The following SNTB1 variants were observed in gnomAD, a reference collection of about 807,000 sequenced individuals.
SNTB1 encodes the protein syntrophin beta 1.
A neutral mutation model predicts 48.9 loss-of-function variants in SNTB1; 36 were observed. That is an observed-to-expected ratio of 0.74 (90% confidence interval 0.56 to 0.97). SNTB1 has a LOEUF of 0.97. Among genes scored for constraint, SNTB1 ranks in the 50% least tolerant of loss-of-function variants. SNTB1 has a pLI of 0.00. For synonymous variants in SNTB1, 299 were observed against 294.6 expected (o/e 1.01, Z -0.15); for missense variants, 786 against 703.4 (o/e 1.12, Z -1.33).
At chr8:120,594,691 T>C (rs1338170610) in intron 3 of SNTB1, among the ~76,000 whole-genome samples, 1 of 152,178 alleles carries the variant, frequency 6.6e-6, no homozygotes, top group African/African-American at 2.4e-5. Context: ...TCTTAATGTA[T>C]AAATCTCAAA....
chr8:120,550,654 G>A (rs1446864697), intron 4 of SNTB1, among the ~76,000 whole-genome samples: 1 of 152,126 alleles, frequency 6.6e-6, no homozygotes, highest in Non-Finnish European at 1.5e-5. Flanking sequence ...CCACACAAGG[G>A]GATTTAACAT....
chr8:120,614,913 G>C (rs886192386), intron 3 of SNTB1, among the ~76,000 whole-genome samples: 1 of 147,960 alleles, frequency 6.8e-6, no homozygotes, highest in Non-Finnish European at 1.5e-5. Flanking sequence ...GGCTGAGGCA[G>C]GTGGATCACG....
intron 1 of SNTB1, among the ~76,000 whole-genome samples, chr8:120,789,441 A>G (rs1819987092): frequency 6.6e-6 from 1 of 151,996 alleles, no homozygotes; most frequent in South Asian, 2.1e-4. Flanking sequence ...AATCAATGAA[A>G]CAAAAAGCTG....
Position 120,679,437 on chromosome 8 carries a change from C to G in SNTB1, c.788+14255G>C, listed in dbSNP as rs184958365. ...CTGCCCTCCATCAAGACATACCTGA[C>G]CTGAGTCCCATTGACTCAGGACCAG... On this transcript the variant is annotated intron_variant, in intron 2 of 6. Coordinates refer to ENST00000517992, the MANE Select transcript of SNTB1 (RefSeq NM_021021.4). 2.6e-5 allele frequency among the ~76,000 whole-genome samples: 4 copies of G among 152,266 alleles called. No homozygotes were observed. The East Asian group carries it at 7.7e-4, about 29-fold the overall frequency.
chr8:120,696,144 T>G (rs572950341), intron 1 of SNTB1, among the ~76,000 whole-genome samples: 2 of 152,362 alleles, frequency 1.3e-5, no homozygotes, highest in South Asian at 4.1e-4. Flanking sequence ...ATTATACTCA[T>G]GGAAATATAG....
chr8:120,656,784 G>A (rs1348532722), intron 2 of SNTB1, among the ~76,000 whole-genome samples: 1 of 152,170 alleles, frequency 6.6e-6, no homozygotes, highest in Non-Finnish European at 1.5e-5. Flanking sequence ...TTAAAATTGA[G>A]TTTCAGATAA....
chr8:120,642,860 A>G (rs1481210353), intron 2 of SNTB1, among the ~76,000 whole-genome samples: 1 of 152,218 alleles, frequency 6.6e-6, no homozygotes, highest in Non-Finnish European at 1.5e-5. Flanking sequence ...AGTAAAAGCC[A>G]TGATTGCACT....
chr8:120,792,097 A>G lies in SNTB1; in HGVS notation c.571+19176T>C, dbSNP rs34581346. On this transcript the variant is annotated intron_variant, in intron 1 of 6. Transcript: ENST00000517992. ...CCACTCATATATATATGAGTACTAA[A>G]GAAGCACACACACACACACACACCC... Among the ~76,000 whole-genome samples the G allele has an allele frequency of 5.5e-5, 8 of 144,160 alleles. No homozygotes were observed. The East Asian group carries it at 1.4e-3, about 25-fold the overall frequency. 94.6% of individuals were successfully genotyped at this position (144,160 alleles called of 152,430 possible).
intron 1 of SNTB1, among the ~76,000 whole-genome samples, chr8:120,792,913 A>G (rs1232808226): frequency 6.6e-6 from 1 of 151,956 alleles, no homozygotes; most frequent in Admixed American, 6.6e-5. Flanking sequence ...TGTCTATTAC[A>G]CTATGGTTCT....
intron 1 of SNTB1, among the ~76,000 whole-genome samples, chr8:120,700,839 T>A (rs1355636362): frequency 6.6e-6 from 1 of 152,216 alleles, no homozygotes; most frequent in Non-Finnish European, 1.5e-5. Flanking sequence ...CCTACCAGAC[T>A]GGTTTCTAAG....
At chr8:120,657,237 C>A (rs1817516708) in intron 2 of SNTB1, among the ~76,000 whole-genome samples, 1 of 152,178 alleles carries the variant, frequency 6.6e-6, no homozygotes, top group Admixed American at 6.5e-5. Flanking sequence ...TTGTCCTCTT[C>A]TCTAGGCCCC....
chr8:120,803,277 C>T (rs1275337060), intron 1 of SNTB1, among the ~76,000 whole-genome samples: 1 of 152,144 alleles, frequency 6.6e-6, no homozygotes, highest in Non-Finnish European at 1.5e-5. Flanking sequence ...TCCATCTTGT[C>T]TTTCCCTGTT....
chr8:120,536,536 C>T lies in SNTB1; in HGVS notation c.*2341G>A, dbSNP rs1815205441. The T allele has an allele frequency of 6.6e-6, 1 of 152,008 alleles. No individual in the cohort carries two copies. Among genetic ancestry groups the T allele is most frequent in the Non-Finnish European group, 1.5e-5 (1 of 67,988 alleles). 9.4% of individuals were successfully genotyped at this position (152,008 alleles called of 1,614,324 possible). On this transcript the variant is annotated 3_prime_UTR_variant, in exon 7 of 7. Coordinates refer to ENST00000517992, the MANE Select transcript of SNTB1 (RefSeq NM_021021.4). ...AGTATTGGAAATTGATTCATTAGAGCCTCTCTATTATGATACATTTTAACT... is the reference window on the plus strand; with the variant it reads ...AGTATTGGAAATTGATTCATTAGAGTCTCTCTATTATGATACATTTTAACT...
intron 3 of SNTB1, 68 bp from the exon 4 acceptor site, chr8:120,575,293 C>T: frequency 6.3e-7 from 1 of 1,589,316 alleles, no homozygotes; most frequent in South Asian, 1.1e-5. Flanking sequence ...AAGTTGGCAT[C>T]CCCCTAATCA....
intron 3 of SNTB1, among the ~76,000 whole-genome samples, chr8:120,622,752 C>G (rs1816813394): frequency 6.6e-6 from 1 of 151,420 alleles, no homozygotes; most frequent in Non-Finnish European, 1.5e-5. Context: ...AAAGGAATCC[C>G]TGCTGGAATT....
intron 3 of SNTB1, among the ~76,000 whole-genome samples, chr8:120,593,813 T>TC (rs1266342685): frequency 6.6e-6 from 1 of 152,164 alleles, no homozygotes; most frequent in Non-Finnish European, 1.5e-5. Flanking sequence ...TATCTGGGGA[T>TC]TCTATTTTTA....
At chr8:120,765,827 C>A (rs1438099389) in intron 1 of SNTB1, 1 of 151,968 alleles carries the variant, frequency 6.6e-6, no homozygotes, top group African/African-American at 2.4e-5. Flanking sequence ...GTTTCAGAAG[C>A]CATTCTGTGA....
intron 3 of SNTB1, among the ~76,000 whole-genome samples, chr8:120,621,972 T>G (rs913301308): frequency 1.3e-5 from 2 of 152,212 alleles, no homozygotes; most frequent in Non-Finnish European, 2.9e-5. Flanking sequence ...AGGGAATCAT[T>G]TTCTGGCTAA....
chr8:120,765,678 G>A (rs1043149771), intron 1 of SNTB1: 4 of 152,194 alleles, frequency 2.6e-5, no homozygotes, highest in African/African-American at 7.2e-5. Context: ...TTATGAGGAT[G>A]AAGCCCTCAT....
Sources: gnomAD v4.1 joint callset for allele counts (sites outside exome capture counted in the v4.1 genomes callset) on GRCh38, gnomAD v4.1.1 for gene constraint, MANE v1.5 for transcripts, NCBI Gene and HGNC (gene_info 2026-07-23, HGNC 2026-07-21) for gene names.